CACNA2D1: variants seen among roughly 807,000 people sequenced by gnomAD.
CACNA2D1 encodes the protein voltage-dependent calcium channel subunit alpha-2/delta-1.
CACNA2D1 carries 53 observed loss-of-function variants against 171.5 expected under a neutral mutation model. The ratio of observed to expected loss-of-function variants is 0.31; its 90% CI spans 0.25 to 0.39. The LOEUF (loss-of-function observed/expected upper bound fraction) is 0.39. CACNA2D1 is among the 10% of genes least tolerant of loss of function. CACNA2D1 has a pLI of 1.00. For synonymous variants in CACNA2D1, 442 were observed against 443.1 expected, an observed-to-expected ratio of 1.00 and a Z score of 0.03; for missense variants, 903 against 1,299.8, an observed-to-expected ratio of 0.69 and a Z score of 4.69.
intron 1 of CACNA2D1, among the ~76,000 whole-genome samples, chr7:82,359,183 G>A (rs1400172926): frequency 6.6e-6 from 1 of 152,048 alleles, no homozygotes; most frequent in Non-Finnish European, 1.5e-5. Flanking sequence ...AATTCTAATT[G>A]CTCATTACAA....
intron 4 of CACNA2D1, among the ~76,000 whole-genome samples, chr7:82,137,525 A>G (rs1209351439): frequency 6.6e-6 from 1 of 152,000 alleles, no homozygotes; most frequent in East Asian, 1.9e-4. Flanking sequence ...TAAACTCACT[A>G]CGATGTGAAC....
intron 10 of CACNA2D1, among the ~76,000 whole-genome samples, chr7:82,057,347 C>G (rs1419235274): frequency 6.6e-6 from 1 of 152,018 alleles, no homozygotes; most frequent in African/African-American, 2.4e-5. Context: ...TCCCCTCTTA[C>G]TATAATTAAA....
At chr7:82,275,626 A>G (rs889132596) in intron 3 of CACNA2D1, among the ~76,000 whole-genome samples, 9 of 152,068 alleles carry the variant, frequency 5.9e-5, no homozygotes, top group Middle Eastern at 3.4e-3. Context: ...TGTCATTTCC[A>G]CTGAAAACCT....
intron 38 of CACNA2D1, among the ~76,000 whole-genome samples, chr7:81,956,308 G>C (rs1395459034): frequency 6.6e-6 from 1 of 151,926 alleles, no homozygotes; most frequent in Non-Finnish European, 1.5e-5. Context: ...GGTAAAAAGA[G>C]AGCTGGCCTA....
At chr7:82,432,823 CTTTT>C (rs1176307503) in intron 1 of CACNA2D1, among the ~76,000 whole-genome samples, 1 of 152,128 alleles carries the variant, frequency 6.6e-6, no homozygotes, top group Non-Finnish European at 1.5e-5. Flanking sequence ...ACTATTTGTT[CTTTT>C]ATCTGTTTCT....
At chr7:82,003,774 C>T (rs1194054917) in intron 18 of CACNA2D1, among the ~76,000 whole-genome samples, 7 of 141,364 alleles carry the variant, frequency 5.0e-5, no homozygotes, top group East Asian at 2.1e-4. Context: ...GATGGAGTTT[C>T]GCTCTTGTTG....
chr7:81,966,106 A>G, intron 31 of CACNA2D1, among the ~76,000 whole-genome samples: 1 of 151,906 alleles, frequency 6.6e-6, no homozygotes, highest in East Asian at 1.9e-4. Flanking sequence ...CAGTACTATA[A>G]GACTATTTAT....
chr7:82,102,905 A>C (rs191825365), intron 6 of CACNA2D1, among the ~76,000 whole-genome samples: 1 of 152,210 alleles, frequency 6.6e-6, no homozygotes, highest in Non-Finnish European at 1.5e-5. Context: ...TCACAGCACA[A>C]AACACTAAGA....
chr7:82,052,897 C>T (rs1334449288), intron 10 of CACNA2D1, among the ~76,000 whole-genome samples: 2 of 152,124 alleles, frequency 1.3e-5, no homozygotes, highest in Non-Finnish European at 2.9e-5. Context: ...GTATTATCAA[C>T]CTCACAGGGT....
chr7:81,974,593 A>C, intron 24 of CACNA2D1, 41 bp from the exon 25 acceptor site: 1 of 1,063,890 alleles, frequency 9.4e-7, no homozygotes, highest in Non-Finnish European at 1.4e-6. Flanking sequence ...ATTAAAATCA[A>C]AACTTTACAG....
intron 8 of CACNA2D1, 144 bp from the exon 9 acceptor site, chr7:82,064,498 A>G: frequency 1.7e-6 from 1 of 576,036 alleles, no homozygotes; most frequent in Non-Finnish European, 3.2e-6. Flanking sequence ...ATGGTTTTCC[A>G]TTCATATTCT....
At chr7:82,147,403 C>T (rs190969872) in intron 4 of CACNA2D1, among the ~76,000 whole-genome samples, 1 of 152,122 alleles carries the variant, frequency 6.6e-6, no homozygotes, top group East Asian at 1.9e-4. Context: ...TTATTTTCCT[C>T]AGGCACCAAA....
intron 3 of CACNA2D1, among the ~76,000 whole-genome samples, chr7:82,170,979 C>T (rs926620385): frequency 6.6e-6 from 1 of 151,974 alleles, no homozygotes; most frequent in African/African-American, 2.4e-5. Flanking sequence ...TTGGAGCATA[C>T]ATTTCTCTTA....
intron 3 of CACNA2D1, among the ~76,000 whole-genome samples, chr7:82,209,771 C>T (rs1800374671): frequency 6.6e-6 from 1 of 152,110 alleles, no homozygotes; most frequent in African/African-American, 2.4e-5. Flanking sequence ...AATTGTTCCC[C>T]TACATAGCCG....
At chr7:82,300,673 C>A (rs1812887954) in intron 3 of CACNA2D1, among the ~76,000 whole-genome samples, 1 of 152,000 alleles carries the variant, frequency 6.6e-6, no homozygotes, top group Admixed American at 6.6e-5. Flanking sequence ...AGGAAGAAGG[C>A]TTCTTAAATT....
At position 82,117,150 on chromosome 7, in the gene CACNA2D1, T is replaced by G. The variant is rs758976970; in HGVS notation, c.420A>C (p.Pro140=). ...AAACAGGTTTTATCCTCTGGCTGCCTGGCTCACTGTCATTTTTCTCAGGCT... is the reference window on the plus strand; with the variant it reads ...AAACAGGTTTTATCCTCTGGCTGCCGGGCTCACTGTCATTTTTCTCAGGCT... The part of the protein sequence containing the change: ...DLDPEKNDSE[P]GSQRIKPVFI... The change falls in exon 6 of 39, where the codon CCA becomes CCC. Residue 140 remains proline, a synonymous_variant. Coordinates refer to ENST00000356860, the MANE Select transcript of CACNA2D1 (RefSeq NM_000722.4). 2 of 1,613,674 alleles carry G rather than the reference T, an allele frequency of 1.2e-6. No homozygotes were observed. The highest frequency in any genetic ancestry group is 1.7e-6 in the Non-Finnish European group (2 of 1,179,708).
chr7:82,345,290 GC>G (rs1819117611), intron 2 of CACNA2D1, among the ~76,000 whole-genome samples: 1 of 152,114 alleles, frequency 6.6e-6, no homozygotes, highest in African/African-American at 2.4e-5. Context: ...TCTTTGAGTA[GC>G]ATATTGAAAT....
chr7:82,332,510 T>TAAAG (rs757450961), intron 3 of CACNA2D1, among the ~76,000 whole-genome samples: 12,941 of 91,682 alleles, frequency 0.14, 730 homozygotes, highest in South Asian at 0.18. Flanking sequence ...AAAAGAAATA[T>TAAAG]AAAGAAAGAA....
intron 14 of CACNA2D1, 29 bp from the exon 15 acceptor site, chr7:82,012,272 T>C (rs766877293): frequency 9.5e-7 from 1 of 1,049,886 alleles, no homozygotes; most frequent in South Asian, 1.3e-5. Context: ...AAAAAAGTCG[T>C]GGTTAAAACT....
Sources: gnomAD v4.1 joint callset for allele counts (sites outside exome capture counted in the v4.1 genomes callset) on GRCh38, gnomAD v4.1.1 for gene constraint, MANE v1.5 for transcripts, NCBI Gene and HGNC (gene_info 2026-07-23, HGNC 2026-07-21) for gene names.